PTPRM: variants seen among roughly 807,000 people sequenced by gnomAD.
PTPRM encodes the protein protein tyrosine phosphatase receptor type M.
Under a neutral mutation model 186.7 loss-of-function variants are expected in PTPRM, and 47 were observed. The ratio of observed to expected loss-of-function variants is 0.25; its 90% CI spans 0.20 to 0.32. The LOEUF is 0.32. PTPRM is among the 10% of genes least tolerant of loss of function. PTPRM has a pLI of 1.00. For missense variants in PTPRM, 1,494 were observed against 1,865.0 expected (o/e 0.80, Z 3.66); for synonymous variants, 668 against 674.9 (o/e 0.99, Z 0.16).
chr18:8,171,648 G>T (rs1177124026), intron 14 of PTPRM, among the ~76,000 whole-genome samples: 1 of 152,150 alleles, frequency 6.6e-6, no homozygotes, highest in African/African-American at 2.4e-5. Flanking sequence ...CAGAAAAATT[G>T]TCTGAATCTG....
intron 1 of PTPRM, among the ~76,000 whole-genome samples, chr18:7,702,534 G>T (rs1280145543): frequency 6.6e-6 from 1 of 152,100 alleles, no homozygotes; most frequent in Non-Finnish European, 1.5e-5. Flanking sequence ...TTTTGATGGA[G>T]TTGTTAGTGT....
intron 11 of PTPRM, among the ~76,000 whole-genome samples, chr18:8,096,051 G>A (rs1363213669): frequency 6.6e-6 from 1 of 152,118 alleles, no homozygotes; most frequent in Non-Finnish European, 1.5e-5. Context: ...CCCCTTTGCT[G>A]TGGGCCTGTG....
chr18:7,842,201 G>A (rs1329197663), intron 2 of PTPRM, among the ~76,000 whole-genome samples: 1 of 152,204 alleles, frequency 6.6e-6, no homozygotes, highest in Non-Finnish European at 1.5e-5. Flanking sequence ...TAGTTTGTAA[G>A]TAATAATGAA....
chr18:7,649,524 G>T (rs1197430376), intron 1 of PTPRM, among the ~76,000 whole-genome samples: 1 of 152,166 alleles, frequency 6.6e-6, no homozygotes, highest in Non-Finnish European at 1.5e-5. Context: ...ATGGGAGGAG[G>T]TGAACATATC....
At chr18:8,072,173 A>G (rs1416174833) in intron 8 of PTPRM, among the ~76,000 whole-genome samples, 1 of 152,236 alleles carries the variant, frequency 6.6e-6, no homozygotes, top group Non-Finnish European at 1.5e-5. Flanking sequence ...AGGTCTTTAA[A>G]TGAAATAATA....
intron 13 of PTPRM, among the ~76,000 whole-genome samples, chr18:8,141,368 A>G (rs2092763185): frequency 6.6e-6 from 1 of 152,202 alleles, no homozygotes; most frequent in Non-Finnish European, 1.5e-5. Flanking sequence ...TCAGGCCAAG[A>G]TAGAACATTT....
At chr18:8,147,415 G>A (rs1019250850) in intron 14 of PTPRM, among the ~76,000 whole-genome samples, 25 of 152,108 alleles carry the variant, frequency 1.6e-4, no homozygotes, top group African/African-American at 2.2e-4. Flanking sequence ...TAGCAATTGC[G>A]AATGGGAGTT....
At chr18:7,841,425 G>A (rs960664704) in intron 2 of PTPRM, among the ~76,000 whole-genome samples, 4 of 151,410 alleles carry the variant, frequency 2.6e-5, no homozygotes, top group African/African-American at 9.7e-5. Flanking sequence ...CTGAGTAGCT[G>A]GGACTACAGG....
At chr18:8,093,031 C>T (rs493221) in intron 11 of PTPRM, among the ~76,000 whole-genome samples, 95,202 of 151,830 alleles carry the variant, frequency 0.63, 30,013 homozygotes, top group African/African-American at 0.67. Flanking sequence ...GATAATCATG[C>T]ATTTTTGTTT....
intron 14 of PTPRM, among the ~76,000 whole-genome samples, chr18:8,170,840 A>G (rs943715112): frequency 1.3e-5 from 2 of 152,236 alleles, no homozygotes; most frequent in African/African-American, 4.8e-5. Context: ...TTTTGAAGTG[A>G]CAACCACATT....
Position 8,319,157 on chromosome 18 carries a change from TTC to T in PTPRM, c.2920-17_2920-16del, listed in dbSNP as rs2095329733. ...TTATCGATTTTATGTTTATCAAATA[TTC>T]TCTTTTATTTATTTTTAGGGTTATC... is the stretch of plus-strand genomic sequence containing the variant. On this transcript the variant is annotated intron_variant, in intron 21 of 32. Coordinates refer to ENST00000580170, the MANE Select transcript of PTPRM (RefSeq NM_001105244.2). 4.0e-6 allele frequency: 6 copies of T among 1,481,856 alleles called. No individual in the cohort carries two copies. Among genetic ancestry groups the T allele is most frequent in the Middle Eastern group, 1.7e-4 (1 of 5,820 alleles). The allele number at this position is 1,481,856 out of a possible 1,614,324, so 91.8% of individuals were successfully genotyped here.
chr18:8,299,002 G>GCCCGC (rs1447041046), intron 20 of PTPRM, among the ~76,000 whole-genome samples: 2 of 152,172 alleles, frequency 1.3e-5, no homozygotes, highest in Non-Finnish European at 2.9e-5. Context: ...TGCAGTCCCA[G>GCCCGC]CTACTCAGGA....
At chr18:8,396,320 A>G (rs553262827) in intron 32 of PTPRM, among the ~76,000 whole-genome samples, 1 of 152,368 alleles carries the variant, frequency 6.6e-6, no homozygotes, top group Admixed American at 6.5e-5. Flanking sequence ...AGGGACAGGT[A>G]TGTAGCCTCG....
intron 1 of PTPRM, among the ~76,000 whole-genome samples, chr18:7,754,354 A>T (rs1486738553): frequency 1.3e-5 from 2 of 152,222 alleles, no homozygotes; most frequent in East Asian, 3.9e-4. Flanking sequence ...TTCATAGAAT[A>T]CAAATTATCC....
At position 8,343,519 on chromosome 18, in the gene PTPRM, G is replaced by A. The variant is rs1201050781; in HGVS notation, c.3053G>A (p.Arg1018Lys). The A allele has an allele frequency of 6.2e-7, 1 of 1,613,684 alleles. No homozygotes were observed. The highest frequency in any genetic ancestry group is 8.5e-7 in the Non-Finnish European group (1 of 1,179,792). The change falls in exon 23 of 33, where the codon AGG (arginine) becomes AAG (lysine). Residue 1018 changes from arginine (R) to lysine (K), a missense_variant and splice_region_variant. Arg to Lys is a conservative substitution (Grantham distance 26). This residue lies in a region of PTPRM where 1,107 missense variants were observed against 1,350.2 expected (regional missense o/e 0.82). Coordinates refer to ENST00000580170, the MANE Select transcript of PTPRM (RefSeq NM_001105244.2). ...IMVTNLVEVG[R>K]VKCCKYWPDD... The stretch of plus-strand genomic sequence containing the variant: ...GTGACCAATCTTGTGGAAGTGGGAA[G>A]GGTGAGTGGACCGTCTGCTGCAAAT...
chr18:8,282,291 A>G (rs2094912102), intron 19 of PTPRM, among the ~76,000 whole-genome samples: 1 of 152,198 alleles, frequency 6.6e-6, no homozygotes. Flanking sequence ...AATGGAGAGA[A>G]ACTGTATTTC....
rs35838540 is a variant in PTPRM, at chr18:7,918,078, T to TTGTGTGTG, written c.548-8470_548-8463dup. Among the ~76,000 whole-genome samples the TTGTGTGTG allele has an allele frequency of 3.6e-3, 540 of 148,086 alleles. 3 individuals are homozygous for TTGTGTGTG. The highest frequency in any genetic ancestry group is 0.019 in the East Asian group (96 of 5,054). On this transcript the variant is annotated intron_variant, in intron 4 of 32. Coordinates refer to ENST00000580170, the MANE Select transcript of PTPRM (RefSeq NM_001105244.2). ...TATGAGATATTGTGTTCTTGTGTGT[T>TTGTGTGTG]TGTGTGTGTGTGTGTGTGTGTGTGT...
At chr18:7,760,655 T>C (rs2041727173) in intron 1 of PTPRM, among the ~76,000 whole-genome samples, 1 of 152,112 alleles carries the variant, frequency 6.6e-6, no homozygotes, top group Non-Finnish European at 1.5e-5. Context: ...GGTAAGTGCG[T>C]CCCAGGTAGC....
chr18:7,841,419 G>A (rs1328931132), intron 2 of PTPRM, among the ~76,000 whole-genome samples: 1 of 150,792 alleles, frequency 6.6e-6, no homozygotes. Context: ...AGCCTGCTGA[G>A]TAGCTGGGAC....
Sources: gnomAD v4.1 joint callset for allele counts (sites outside exome capture counted in the v4.1 genomes callset) on GRCh38, gnomAD v4.1.1 for gene constraint, gnomAD v4.1.1 regional missense constraint, MANE v1.5 for transcripts, NCBI Gene and HGNC (gene_info 2026-07-23, HGNC 2026-07-21) for gene names.